Variants in GRIK2 observed in about 807,000 individuals in gnomAD.
GRIK2 encodes glutamate ionotropic receptor kainate type subunit 2, also known as glutamate receptor ionotropic, kainate 2.
A neutral mutation model predicts 100.3 loss-of-function variants in GRIK2; 32 were observed. That is an observed-to-expected ratio of 0.32 (90% CI 0.24 to 0.43). The LOEUF (loss-of-function observed/expected upper bound fraction) is 0.43, where lower values mean the gene tolerates loss of function less well. GRIK2 is among the 20% of genes least tolerant of loss of function. The probability of loss-of-function intolerance (pLI) is 1.00; values close to 1 mark genes in which losing one functional copy is unlikely to be tolerated. For synonymous variants in GRIK2, 417 were observed against 389.4 expected (o/e 1.07, Z -0.83); for missense variants, 843 against 1,114.9 (o/e 0.76, Z 3.47).
At chr6:102,000,310 A>G (rs1794872693) in intron 14 of GRIK2, among the ~76,000 whole-genome samples, 1 of 139,896 alleles carries the variant, frequency 7.1e-6, no homozygotes, top group Admixed American at 7.5e-5. Flanking sequence ...GAGGGTACAC[A>G]TGCAGGTCTG....
intron 3 of GRIK2, among the ~76,000 whole-genome samples, chr6:101,624,766 C>CT (rs1287433169): frequency 1.3e-5 from 2 of 151,938 alleles, no homozygotes; most frequent in Non-Finnish European, 2.9e-5. Flanking sequence ...CAGTTTTGGT[C>CT]TGGCACCCAG....
intron 7 of GRIK2, among the ~76,000 whole-genome samples, chr6:101,720,147 G>C (rs1277070053): frequency 6.6e-6 from 1 of 151,570 alleles, no homozygotes; most frequent in African/African-American, 2.4e-5. Context: ...CCTCTAGGGA[G>C]CTGTATCAAA....
intron 15 of GRIK2, among the ~76,000 whole-genome samples, chr6:102,051,371 T>A (rs921478344): frequency 1.3e-5 from 2 of 151,100 alleles, no homozygotes; most frequent in Admixed American, 6.6e-5. Flanking sequence ...TGGCAACTTG[T>A]AAAAAGATAA....
chr6:101,396,251 C>CG (rs1008322534), intron 1 of GRIK2, among the ~76,000 whole-genome samples: 1 of 150,482 alleles, frequency 6.6e-6, no homozygotes, highest in Non-Finnish European at 1.5e-5. Context: ...TTCCCCCCCC[C>CG]CCCAGGAAGT....
chr6:101,471,183 A>G lies in GRIK2; in HGVS notation c.115+71791A>G, dbSNP rs117467791. Among the ~76,000 whole-genome samples, 373 of 152,216 alleles carry G rather than the reference A, an allele frequency of 2.5e-3. 2 individuals carry two copies. Among genetic ancestry groups the G allele is most frequent in the Middle Eastern group, 0.01 (3 of 294 alleles). On this transcript the variant is annotated intron_variant, in intron 2 of 16. Transcript: ENST00000369134. Reference sequence around the variant, plus strand: ...AATCTAGGCTCTTTTCAGTGACTGCACTAATAGGTGACTTTGGACAATTCC... The same window carrying G: ...AATCTAGGCTCTTTTCAGTGACTGCGCTAATAGGTGACTTTGGACAATTCC...
chr6:101,572,126 T>C (rs1170096544), intron 2 of GRIK2, among the ~76,000 whole-genome samples: 5 of 151,998 alleles, frequency 3.3e-5, no homozygotes, highest in Admixed American at 3.3e-4. Context: ...TCTAGCTTTG[T>C]CATTTAAAAA....
chr6:101,400,857 G>GTTTTCATGCTT, intron 2 of GRIK2, among the ~76,000 whole-genome samples: 1 of 152,290 alleles, frequency 6.6e-6, no homozygotes, highest in Non-Finnish European at 1.5e-5. Flanking sequence ...CACTGTAGTA[G>GTTTTCATGCTT]TTTTCATGCT....
chr6:101,986,498 G>A (rs1794023939), intron 14 of GRIK2, among the ~76,000 whole-genome samples: 1 of 151,684 alleles, frequency 6.6e-6, no homozygotes, highest in African/African-American at 2.4e-5. Context: ...TTTTTTAATT[G>A]CATTAGCTTT....
intron 7 of GRIK2, among the ~76,000 whole-genome samples, chr6:101,778,266 A>G (rs1778872211): frequency 6.6e-6 from 1 of 152,202 alleles, no homozygotes; most frequent in Non-Finnish European, 1.5e-5. Context: ...AGGATTCTAG[A>G]TAGTTCTAGA....
At chr6:101,679,503 A>G (rs1771086290) in intron 5 of GRIK2, among the ~76,000 whole-genome samples, 1 of 152,202 alleles carries the variant, frequency 6.6e-6, no homozygotes. Flanking sequence ...TTATTTGTGC[A>G]TAAAAACATA....
chr6:101,503,027 G>A (rs975888502), intron 2 of GRIK2, among the ~76,000 whole-genome samples: 2 of 152,162 alleles, frequency 1.3e-5, no homozygotes, highest in Non-Finnish European at 2.9e-5. Flanking sequence ...GTTATGTGCT[G>A]TAGGTGATGA....
chr6:101,522,224 G>A (rs1774913784), intron 2 of GRIK2, among the ~76,000 whole-genome samples: 1 of 152,020 alleles, frequency 6.6e-6, no homozygotes, highest in South Asian at 2.1e-4. Context: ...TCTGACCCAA[G>A]GCCTTTGTCA....
At chr6:101,689,743 G>C (rs1342548325) in intron 7 of GRIK2, among the ~76,000 whole-genome samples, 3 of 151,962 alleles carry the variant, frequency 2.0e-5, no homozygotes, top group Non-Finnish European at 4.4e-5. Context: ...TTTAACATAT[G>C]ATATCCCACT....
intron 14 of GRIK2, among the ~76,000 whole-genome samples, chr6:102,005,507 G>A (rs1054527695): frequency 6.6e-6 from 1 of 151,944 alleles, no homozygotes; most frequent in Non-Finnish European, 1.5e-5. Context: ...TCAGTCTTAT[G>A]CATAACCCTG....
chr6:101,462,385 T>A (rs552407139), intron 2 of GRIK2, among the ~76,000 whole-genome samples: 4 of 152,316 alleles, frequency 2.6e-5, no homozygotes, highest in African/African-American at 9.6e-5. Flanking sequence ...GAAGGTTGAA[T>A]TCACTTAATA....
chr6:101,998,807 C>CTTTTT (rs1794777958), intron 14 of GRIK2, among the ~76,000 whole-genome samples: 1 of 115,806 alleles, frequency 8.6e-6, no homozygotes, highest in African/African-American at 2.9e-5. Flanking sequence ...TTTCTTTTTT[C>CTTTTT]TTTTCTTTTT....
At chr6:102,002,008 A>C (rs1378907490) in intron 14 of GRIK2, among the ~76,000 whole-genome samples, 2 of 151,612 alleles carry the variant, frequency 1.3e-5, no homozygotes, top group African/African-American at 4.8e-5. Context: ...GTTTGTTGAG[A>C]GTGGATACCT....
chr6:101,779,991 GATGTAA>G (rs1356480980), intron 7 of GRIK2, among the ~76,000 whole-genome samples: 1 of 151,962 alleles, frequency 6.6e-6, no homozygotes, highest in Non-Finnish European at 1.5e-5. Context: ...TGTAGTTTAG[GATGTAA>G]ATGACCACAG....
At chr6:101,805,729 T>A (rs1443012381) in intron 9 of GRIK2, among the ~76,000 whole-genome samples, 1 of 152,014 alleles carries the variant, frequency 6.6e-6, no homozygotes, top group African/African-American at 2.4e-5. Flanking sequence ...CAGTAATAAG[T>A]GCTGAAAAGA....
Sources: allele counts gnomAD v4.1 joint callset (sites outside exome capture counted in the v4.1 genomes callset), GRCh38; gene constraint gnomAD v4.1.1; transcripts MANE v1.5; gene names NCBI Gene and HGNC (gene_info 2026-07-23, HGNC 2026-07-21).